KCNIP1: variants seen among roughly 807,000 people sequenced by gnomAD.
KCNIP1 encodes the protein A-type potassium channel modulatory protein KCNIP1.
A neutral mutation model predicts 33.0 loss-of-function variants in KCNIP1; 18 were observed. That is an observed-to-expected ratio of 0.55 (90% CI 0.38 to 0.81). KCNIP1 has a LOEUF of 0.81. Ranked by LOEUF, KCNIP1 falls within the 30% of genes least tolerant of loss-of-function variation. The pLI is 0.00. For missense variants in KCNIP1, 238 were observed against 271.6 expected (o/e 0.88, Z 0.87); for synonymous variants, 93 against 98.3 (o/e 0.95, Z 0.32).
intron 1 of KCNIP1, among the ~76,000 whole-genome samples, chr5:170,670,912 A>G (rs535144328): frequency 0.043 from 5,834 of 135,204 alleles, 163 homozygotes; most frequent in Non-Finnish European, 0.06. Context: ...CAAAAAAAAA[A>G]ATAAAAAAAA....
chr5:170,357,324 A>G (rs1360556348), intron 1 of KCNIP1, among the ~76,000 whole-genome samples: 1 of 152,196 alleles, frequency 6.6e-6, no homozygotes, highest in African/African-American at 2.4e-5. Context: ...GATTGTGCAG[A>G]TAAAGCTCCC....
upstream of KCNIP1, among the ~76,000 whole-genome samples, chr5:170,502,701 G>A (rs1464922203): frequency 1.3e-5 from 2 of 152,208 alleles, no homozygotes; most frequent in African/African-American, 4.8e-5. Flanking sequence ...ATACATCCGG[G>A]TATTCTGTGA....
chr5:170,554,856 A>T (rs1756786719), intron 1 of KCNIP1, among the ~76,000 whole-genome samples: 1 of 151,842 alleles, frequency 6.6e-6, no homozygotes, highest in Non-Finnish European at 1.5e-5. Flanking sequence ...AGAGCCTGTT[A>T]GGAAGAAAGG....
At chr5:170,536,101 T>C (rs893098564) in intron 1 of KCNIP1, among the ~76,000 whole-genome samples, 2 of 152,212 alleles carry the variant, frequency 1.3e-5, no homozygotes, top group East Asian at 1.9e-4. Flanking sequence ...GCCTCACACA[T>C]GGTAAGCATT....
chr5:170,445,496 A>G (rs1756092192), intron 1 of KCNIP1, among the ~76,000 whole-genome samples: 1 of 152,198 alleles, frequency 6.6e-6, no homozygotes, highest in South Asian at 2.1e-4. Context: ...CTTTGCTGGT[A>G]TTTATTAGGC....
At chr5:170,614,205 T>G (rs771239542) in intron 1 of KCNIP1, among the ~76,000 whole-genome samples, 1 of 152,164 alleles carries the variant, frequency 6.6e-6, no homozygotes, top group Non-Finnish European at 1.5e-5. Flanking sequence ...AAAGCCTGAT[T>G]CCCTGCAGAT....
At chr5:170,614,397 G>A (rs1230399312) in intron 1 of KCNIP1, among the ~76,000 whole-genome samples, 1 of 152,166 alleles carries the variant, frequency 6.6e-6, no homozygotes, top group African/African-American at 2.4e-5. Context: ...CATTCCAGTG[G>A]TGCCATCTTC....
At chr5:170,501,209 A>G (rs1311598366), upstream of KCNIP1, among the ~76,000 whole-genome samples, 1 of 152,178 alleles carries the variant, frequency 6.6e-6, no homozygotes, top group African/African-American at 2.4e-5. Context: ...CCAGGGAGGG[A>G]TCCCTGGAGG....
intron 1 of KCNIP1, among the ~76,000 whole-genome samples, chr5:170,405,528 C>T (rs761202395): frequency 3.3e-5 from 5 of 152,274 alleles, no homozygotes; most frequent in Middle Eastern, 3.4e-3. Flanking sequence ...TCAGCAGCAG[C>T]CTGGACTCAG....
chr5:170,383,600 G>A (rs143417544), intron 1 of KCNIP1: 65 of 1,510,282 alleles, frequency 4.3e-5, no homozygotes, highest in Non-Finnish European at 5.0e-5. Flanking sequence ...TCTCAGCCTC[G>A]GGGACAGGGA....
rs565257500 is a variant in KCNIP1, at chr5:170,357,316, T to C, written c.88+3352T>C. ...ACCCTTCTTATGGGGTTGAATGAGA[T>C]TGTGCAGATAAAGCTCCCTGCCTAT... On this transcript the variant is annotated intron_variant, in intron 1 of 7. Coordinates refer to the KCNIP1 transcript ENST00000377360. Among the ~76,000 whole-genome samples, 11 of 152,254 alleles carry C rather than the reference T, an allele frequency of 7.2e-5. No individual in the cohort carries two copies. The East Asian group carries it at 1.7e-3, about 24-fold the overall frequency.
At chr5:170,649,600 A>T (rs894674142) in intron 1 of KCNIP1, among the ~76,000 whole-genome samples, 1 of 152,228 alleles carries the variant, frequency 6.6e-6, no homozygotes, top group Non-Finnish European at 1.5e-5. Flanking sequence ...TCCAGTGCTT[A>T]CAAGTCTGGA....
At chr5:170,374,908 A>C (rs1763946124) in intron 1 of KCNIP1, 1 of 152,176 alleles carries the variant, frequency 6.6e-6, no homozygotes, top group African/African-American at 2.4e-5. Flanking sequence ...GTCATCATTA[A>C]TAATTTATGG....
chr5:170,388,873 A>G (rs545707946), intron 1 of KCNIP1, among the ~76,000 whole-genome samples: 5 of 152,324 alleles, frequency 3.3e-5, no homozygotes, highest in African/African-American at 9.6e-5. Flanking sequence ...CCCAGTAAAT[A>G]TTAGCTATTA....
At chr5:170,667,096 G>A (rs1012605166) in intron 1 of KCNIP1, among the ~76,000 whole-genome samples, 5 of 152,180 alleles carry the variant, frequency 3.3e-5, no homozygotes, top group African/African-American at 1.2e-4. Context: ...GGCGGATCAC[G>A]AGGTCAGGAG....
intron 1 of KCNIP1, among the ~76,000 whole-genome samples, chr5:170,413,736 C>T (rs948491358): frequency 2.0e-5 from 3 of 152,076 alleles, no homozygotes; most frequent in Admixed American, 6.5e-5. Context: ...GCAGGGCCTC[C>T]CTCTCAGCAC....
At chr5:170,645,484 T>C (rs2113708996) in intron 1 of KCNIP1, among the ~76,000 whole-genome samples, 1 of 152,264 alleles carries the variant, frequency 6.6e-6, no homozygotes, top group African/African-American at 2.4e-5. Context: ...CAAAAAATGA[T>C]ATAAATGCAA....
At chr5:170,730,519 G>T (rs867569324) in intron 5 of KCNIP1, among the ~76,000 whole-genome samples, 1 of 152,196 alleles carries the variant, frequency 6.6e-6, no homozygotes, top group Middle Eastern at 3.4e-3. Flanking sequence ...CAACAAAATT[G>T]CTCTTTCTGT....
At chr5:170,517,620 G>T (rs1427656791) in intron 1 of KCNIP1, among the ~76,000 whole-genome samples, 1 of 151,738 alleles carries the variant, frequency 6.6e-6, no homozygotes, top group African/African-American at 2.4e-5. Flanking sequence ...GATGATAATA[G>T]TAATGATGGT....
Sources: allele counts gnomAD v4.1 joint callset (sites outside exome capture counted in the v4.1 genomes callset), GRCh38; gene constraint gnomAD v4.1.1; transcripts MANE v1.5; gene names NCBI Gene and HGNC (gene_info 2026-07-23, HGNC 2026-07-21).